NEK7: variants seen among roughly 807,000 people sequenced by gnomAD.
The protein encoded by NEK7 is NIMA related kinase 7, also known as serine/threonine-protein kinase Nek7.
In NEK7, 18 loss-of-function variants were observed where a neutral mutation model predicts 44.6. The observed-to-expected ratio is 0.40, with a 90% CI of 0.28 to 0.60. The LOEUF (loss-of-function observed/expected upper bound fraction) is 0.60. Ranked by LOEUF, NEK7 falls within the 20% of genes least tolerant of loss-of-function variation. The pLI is 0.38. For synonymous variants in NEK7, 130 were observed against 121.1 expected (o/e 1.07, Z -0.48); for missense variants, 256 against 366.5 (o/e 0.70, Z 2.46).
intron 1 of NEK7, chr1:198,197,964 A>C: frequency 6.5e-7 from 1 of 1,540,264 alleles, no homozygotes; most frequent in Non-Finnish European, 8.8e-7. Context: ...GGTATGGAGG[A>C]GGGTAGGGAC....
chr1:198,189,742 T>A (rs1665020645), intron 1 of NEK7, among the ~76,000 whole-genome samples: 1 of 152,164 alleles, frequency 6.6e-6, no homozygotes, highest in South Asian at 2.1e-4. Flanking sequence ...GCTGCTTTAT[T>A]TTTAGTATTA....
chr1:198,278,139 C>A, intron 6 of NEK7, 70 bp downstream of exon 6: 2 of 805,938 alleles, frequency 2.5e-6, no homozygotes, highest in Non-Finnish European at 4.3e-6. Context: ...TAAATGTCTT[C>A]AAGTCAGTAC....
intron 1 of NEK7, among the ~76,000 whole-genome samples, chr1:198,194,299 C>CTTT (rs530096391): frequency 7.6e-6 from 1 of 132,128 alleles, no homozygotes. Flanking sequence ...CTTTTTCTTT[C>CTTT]TTTTTTTTTT....
intron 2 of NEK7, among the ~76,000 whole-genome samples, chr1:198,252,566 ATAAAAAG>A (rs1558079336): frequency 7.6e-5 from 4 of 52,520 alleles, no homozygotes; most frequent in African/African-American, 3.8e-4. Flanking sequence ...ATATATATAT[ATAAAAAG>A]TACATATATA....
chr1:198,273,788 A>AT (rs1653927899), intron 5 of NEK7, among the ~76,000 whole-genome samples: 1 of 151,744 alleles, frequency 6.6e-6, no homozygotes, highest in African/African-American at 2.4e-5. Flanking sequence ...AGAAACTATT[A>AT]TTTTTAAGTA....
chr1:198,232,762 C>T, intron 2 of NEK7, 125 bp downstream of exon 2: 1 of 499,832 alleles, frequency 2.0e-6, no homozygotes, highest in Non-Finnish European at 3.5e-6. Context: ...TTTGAATTTC[C>T]AAGTTTTAAT....
intron 1 of NEK7, among the ~76,000 whole-genome samples, chr1:198,232,055 A>G (rs559836850): frequency 3.3e-4 from 51 of 152,284 alleles, no homozygotes; most frequent in African/African-American, 1.2e-3. Flanking sequence ...TTATAATTAC[A>G]AAGTATGCGT....
chr1:198,308,656 T>C (rs771096166), intron 9 of NEK7, among the ~76,000 whole-genome samples: 2 of 152,244 alleles, frequency 1.3e-5, no homozygotes, highest in Non-Finnish European at 2.9e-5. Context: ...TTGCCTTAAA[T>C]ACTGATTTCC....
intron 9 of NEK7, among the ~76,000 whole-genome samples, chr1:198,300,150 G>T (rs1654841637): frequency 6.6e-6 from 1 of 152,012 alleles, no homozygotes; most frequent in Admixed American, 6.6e-5. Context: ...GTATCAATGG[G>T]CAATTACTAT....
intron 1 of NEK7, among the ~76,000 whole-genome samples, chr1:198,225,853 G>C (rs1009819066): frequency 2.0e-5 from 3 of 151,490 alleles, no homozygotes; most frequent in African/African-American, 7.3e-5. Flanking sequence ...TTTTTGTTTT[G>C]CTCGAAGATT....
chr1:198,250,116 G>A (rs12093829), intron 2 of NEK7, among the ~76,000 whole-genome samples: 19,836 of 148,716 alleles, frequency 0.13, 1,971 homozygotes, highest in East Asian at 0.57. Flanking sequence ...AGTTTTCCCA[G>A]CACCGTTTAT....
chr1:198,177,471 C>G (rs561848884), intron 1 of NEK7, among the ~76,000 whole-genome samples: 32 of 152,072 alleles, frequency 2.1e-4, no homozygotes, highest in African/African-American at 7.2e-4. Context: ...CGTTCAGAGA[C>G]AATGTATCAC....
intron 1 of NEK7, among the ~76,000 whole-genome samples, chr1:198,219,018 A>AC (rs1405860109): frequency 2.0e-5 from 3 of 152,040 alleles, no homozygotes; most frequent in Admixed American, 2.0e-4. Context: ...CAAAGAACTC[A>AC]AAGTTAATCC....
rs1666425753 is a variant in NEK7, at chr1:198,232,500, A to T, written c.-28-53A>T. 9 of 817,696 alleles carry T rather than the reference A, an allele frequency of 1.1e-5. No individual in the cohort carries two copies. In the Admixed American group the frequency reaches 1.6e-4, roughly 15 times the overall value. 50.7% of individuals were successfully genotyped at this position (817,696 alleles called of 1,614,324 possible). A position where few individuals can be genotyped will look rare whatever the true frequency, so the allele number is the denominator to read the frequency against. ...TGCATGTGTCGGTGTATGATGAATG[A>T]TGTGAATTGGTAATGATTACATTAT... On this transcript the variant is annotated intron_variant, in intron 1 of 9. Transcript: ENST00000367385.
chr1:198,165,380 A>G (rs992707424), intron 1 of NEK7, among the ~76,000 whole-genome samples: 2 of 152,238 alleles, frequency 1.3e-5, no homozygotes, highest in Admixed American at 1.3e-4. Context: ...TGTATTTCGT[A>G]TTCTTAGATA....
At chr1:198,189,663 AAT>A (rs1243619726) in intron 1 of NEK7, among the ~76,000 whole-genome samples, 1 of 152,132 alleles carries the variant, frequency 6.6e-6, no homozygotes, top group Non-Finnish European at 1.5e-5. Flanking sequence ...TATGTTTTAG[AAT>A]ATGTTTTCAA....
chr1:198,238,678 C>T (rs1418121624), intron 2 of NEK7, among the ~76,000 whole-genome samples: 2 of 152,136 alleles, frequency 1.3e-5, no homozygotes, highest in East Asian at 1.9e-4. Context: ...ACTGAGGCTC[C>T]GACTAATTAA....
At chr1:198,235,581 A>G (rs184582452) in intron 2 of NEK7, among the ~76,000 whole-genome samples, 6 of 152,240 alleles carry the variant, frequency 3.9e-5, no homozygotes, top group Admixed American at 3.9e-4. Context: ...TAAAATTTTT[A>G]CTCTTTACTG....
intron 1 of NEK7, among the ~76,000 whole-genome samples, chr1:198,188,691 T>C (rs148389260): frequency 6.6e-6 from 1 of 152,294 alleles, no homozygotes; most frequent in East Asian, 1.9e-4. Flanking sequence ...ATTATCAATA[T>C]GAAACACCTA....
Sources: allele counts gnomAD v4.1 joint callset (sites outside exome capture counted in the v4.1 genomes callset), GRCh38; gene constraint gnomAD v4.1.1; transcripts MANE v1.5; gene names NCBI Gene and HGNC (gene_info 2026-07-23, HGNC 2026-07-21).